The following TMEM263 variants were observed in gnomAD, a reference collection of about 807,000 sequenced individuals.
The protein encoded by TMEM263 is transmembrane protein 263, also known as UPF0444 transmembrane protein C12orf23.
TMEM263 carries 5 observed loss-of-function variants against 8.6 expected under a neutral mutation model. The ratio of observed to expected loss-of-function variants is 0.58; its 90% CI spans 0.31 to 1.23. TMEM263 has a LOEUF of 1.23. TMEM263 is among the 50% of genes most tolerant of loss of function. The pLI, the probability that TMEM263 is intolerant of heterozygous loss-of-function variation, is 0.07. For synonymous variants in TMEM263, 50 were observed against 47.9 expected, an observed-to-expected ratio of 1.04 and a Z score of -0.18; for missense variants, 104 against 138.8, an observed-to-expected ratio of 0.75 and a Z score of 1.26.
Position 106,967,173 on chromosome 12 carries a change from AC to A in TMEM263, c.59del (p.Pro20GlnfsTer5). Reference protein sequence around the residue: ...EIPSYLNDEPPEGSMKDHPQQ... With the variant: ...EIPSYLNDEPXEGSMKDHPQQ... ...TCCCATCATACCTTAATGATGAACC[AC>A]CAGAAGGTAAGTATGCATCTGTAAC... On this transcript the variant is annotated frameshift_variant, in exon 3 of 4. Transcript: ENST00000280756. LOFTEE classifies it high-confidence loss of function. 1.3e-6 allele frequency: 2 copies of A among 1,585,710 alleles called. No individual in the cohort carries two copies. The highest frequency in any genetic ancestry group is 1.1e-5 in the South Asian group (1 of 87,832).
intron 1 of TMEM263, 48 bp downstream of exon 1, chr12:106,956,113 C>T: frequency 1.1e-6 from 1 of 930,730 alleles, no homozygotes; most frequent in Non-Finnish European, 1.3e-6. Context: ...CGGCTTCCTG[C>T]CCTCCTCCGT....
chr12:106,963,602 T>G (rs2136765340), intron 2 of TMEM263, among the ~76,000 whole-genome samples: 1 of 152,312 alleles, frequency 6.6e-6, no homozygotes, highest in African/African-American at 2.4e-5. Flanking sequence ...TCTCTGTCCT[T>G]CCATCTCTTC....
chr12:106,956,652 C>G (rs565423710), intron 1 of TMEM263: 1 of 152,426 alleles, frequency 6.6e-6, no homozygotes, highest in African/African-American at 2.4e-5. Flanking sequence ...GTCACTGCCT[C>G]CCAGTCTAAA....
intron 2 of TMEM263, among the ~76,000 whole-genome samples, chr12:106,959,675 GATA>G (rs1346610450): frequency 6.6e-5 from 10 of 152,164 alleles, no homozygotes; most frequent in African/African-American, 2.2e-4. Context: ...CTGCAATGGT[GATA>G]ATAAGCAGGA....
intron 2 of TMEM263, among the ~76,000 whole-genome samples, chr12:106,960,764 T>C (rs556479351): frequency 2.0e-5 from 3 of 152,304 alleles, no homozygotes; most frequent in South Asian, 4.1e-4. Context: ...CATTTCACTT[T>C]TTACTGTGTG....
intron 1 of TMEM263, among the ~76,000 whole-genome samples, chr12:106,956,449 C>T (rs1951692639): frequency 6.6e-6 from 1 of 152,176 alleles, no homozygotes; most frequent in Non-Finnish European, 1.5e-5. Context: ...CCTCGCCCTG[C>T]CAACTCCTGA....
Position 106,971,089 on chromosome 12 carries a change from T to C in TMEM263, c.65-16T>C, listed in dbSNP as rs774323990. ...TGACTTATATTTGATTGTCTCATGA[T>C]ATTTTCTCTCATTAGGTTCAATGAA... On this transcript the variant is annotated splice_polypyrimidine_tract_variant and intron_variant, in intron 3 of 3. Coordinates refer to ENST00000280756, the MANE Select transcript of TMEM263 (RefSeq NM_152261.4). 1 of 1,612,360 alleles carries C rather than the reference T, an allele frequency of 6.2e-7. No individual in the cohort carries two copies. The highest frequency in any genetic ancestry group is 8.5e-7 in the Non-Finnish European group (1 of 1,178,900).
rs1435786546 is a variant in TMEM263, at chr12:106,972,647, G to A, written c.*1256G>A. ...TTGTTTGATTATGGATGATAAATGT[G>A]TCATATCTTATTAATATGTCTCATG... is the stretch of plus-strand genomic sequence containing the variant. On this transcript the variant is annotated 3_prime_UTR_variant, in exon 4 of 4. Coordinates refer to ENST00000280756, the MANE Select transcript of TMEM263 (RefSeq NM_152261.4). The A allele has an allele frequency of 1.3e-5, 2 of 152,008 alleles. No homozygotes were observed. The highest frequency in any genetic ancestry group is 2.9e-5 in the Non-Finnish European group (2 of 67,970). The allele number at this position is 152,008 out of a possible 1,614,324, so 9.4% of individuals were successfully genotyped here. A position where few individuals can be genotyped will look rare whatever the true frequency, so the allele number is the denominator to read the frequency against.
At chr12:106,968,824 A>G (rs1327809105) in intron 3 of TMEM263, among the ~76,000 whole-genome samples, 5 of 152,216 alleles carry the variant, frequency 3.3e-5, no homozygotes, top group African/African-American at 1.2e-4. Context: ...GGCATGAGGC[A>G]GTTATCTGTT....
intron 3 of TMEM263, 110 bp downstream of exon 3, chr12:106,967,290 C>A: frequency 2.8e-6 from 2 of 706,466 alleles, no homozygotes; most frequent in Non-Finnish European, 2.2e-6. Flanking sequence ...CAGAGTCTTA[C>A]TCTGTCAACC....
At chr12:106,967,622 T>C (rs1951864319) in intron 3 of TMEM263, among the ~76,000 whole-genome samples, 1 of 152,184 alleles carries the variant, frequency 6.6e-6, no homozygotes, top group Non-Finnish European at 1.5e-5. Flanking sequence ...GTCCCCAAAA[T>C]AATTGAAGAT....
chr12:106,958,253 G>A (rs1283136831), intron 2 of TMEM263, among the ~76,000 whole-genome samples: 1 of 152,140 alleles, frequency 6.6e-6, no homozygotes, highest in African/African-American at 2.4e-5. Flanking sequence ...TTCCTTTGGT[G>A]TATAGAGGGG....
rs550307363 is a variant in TMEM263 at position 106,971,625 on chromosome 12, G to A, written c.*234G>A. 1.2e-5 allele frequency: 5 copies of A among 408,960 alleles called. No homozygotes were observed. Among genetic ancestry groups the A allele is most frequent in the South Asian group, 7.5e-5 (1 of 13,298 alleles). The allele number at this position is 408,960 out of a possible 1,614,324, so 25.3% of individuals were successfully genotyped here. A position where few individuals can be genotyped will look rare whatever the true frequency, so the allele number is the denominator to read the frequency against. ...ATCTGGTAAAATGTTACACTTACTCGGTTGTAACTGAAGATATGGTATGTT... is the reference window on the plus strand; with the variant it reads ...ATCTGGTAAAATGTTACACTTACTCAGTTGTAACTGAAGATATGGTATGTT... On this transcript the variant is annotated 3_prime_UTR_variant, in exon 4 of 4. Coordinates refer to ENST00000280756, the MANE Select transcript of TMEM263 (RefSeq NM_152261.4).
At position 106,956,060 on chromosome 12, in the gene TMEM263, C is replaced by G. The variant is rs748448086; in HGVS notation, c.-80C>G. On this transcript the variant is annotated 5_prime_UTR_variant, in exon 1 of 4. Transcript: ENST00000280756. Reference sequence around the variant, plus strand: ...CCCAGCCCTAGCGCTGGCCGCGACCCCGGCGGTGAGTGAGTCGGGATGCGA... The same window carrying G: ...CCCAGCCCTAGCGCTGGCCGCGACCGCGGCGGTGAGTGAGTCGGGATGCGA... 3.0e-6 allele frequency: 3 copies of G among 985,044 alleles called. No individual in the cohort carries two copies. Among genetic ancestry groups the G allele is most frequent in the Admixed American group, 6.1e-5 (1 of 16,268 alleles). 61.0% of individuals were successfully genotyped at this position (985,044 alleles called of 1,614,324 possible).
intron 3 of TMEM263, among the ~76,000 whole-genome samples, chr12:106,969,492 C>T (rs1484810326): frequency 2.0e-5 from 3 of 151,932 alleles, no homozygotes; most frequent in African/African-American, 4.8e-5. Flanking sequence ...TTTGGGAGGC[C>T]GAGGTGGGTT....
Position 106,972,766 on chromosome 12 carries a change from T to C in TMEM263, c.*1375T>C, listed in dbSNP as rs2136782296. ...ACGTTTAACAATTGGCATATATACT[T>C]GGCATTCCTGTCCACCAAGGATTGT... On this transcript the variant is annotated 3_prime_UTR_variant, in exon 4 of 4. Coordinates refer to ENST00000280756, the MANE Select transcript of TMEM263 (RefSeq NM_152261.4). 1 of 152,210 alleles carries C rather than the reference T, an allele frequency of 6.6e-6. No individual in the cohort carries two copies. The highest frequency in any genetic ancestry group is 1.5e-5 in the Non-Finnish European group (1 of 67,956). 9.4% of individuals were successfully genotyped at this position (152,210 alleles called of 1,614,324 possible).
chr12:106,971,481 G>T lies in TMEM263; in HGVS notation c.*90G>T. 7.4e-7 allele frequency: 1 copy of T among 1,345,480 alleles called. No homozygotes were observed. The highest frequency in any genetic ancestry group is 1.0e-6 in the Non-Finnish European group (1 of 995,618). 83.3% of individuals were successfully genotyped at this position (1,345,480 alleles called of 1,614,324 possible). A position where few individuals can be genotyped will look rare whatever the true frequency, so the allele number is the denominator to read the frequency against. ...GGACTACAACCAAGTCAACTGTTTT[G>T]GACGTTTATCTTCTAAACTGCTGTG... On this transcript the variant is annotated 3_prime_UTR_variant, in exon 4 of 4. Coordinates refer to ENST00000280756, the MANE Select transcript of TMEM263 (RefSeq NM_152261.4).
intron 2 of TMEM263, among the ~76,000 whole-genome samples, chr12:106,961,846 A>G (rs1264334821): frequency 6.6e-6 from 1 of 152,234 alleles, no homozygotes; most frequent in Non-Finnish European, 1.5e-5. Flanking sequence ...TACCCAAGAC[A>G]TAACTGTGAA....
rs1433857428 is a variant in TMEM263 at position 106,957,157 on chromosome 12, C to T, written c.-7+8C>T. On this transcript the variant is annotated splice_region_variant and intron_variant, in intron 2 of 3. Coordinates refer to ENST00000280756, the MANE Select transcript of TMEM263 (RefSeq NM_152261.4). ...TCGATACAACACCAACAGGTAAACGCGCGCGCCCGTGTGTGTGTGTGTGTG... is the reference window on the plus strand; with the variant it reads ...TCGATACAACACCAACAGGTAAACGTGCGCGCCCGTGTGTGTGTGTGTGTG... 2.0e-6 allele frequency: 2 copies of T among 982,594 alleles called. No homozygotes were observed. The highest frequency in any genetic ancestry group is 4.7e-5 in the South Asian group (1 of 21,068). 60.9% of individuals were successfully genotyped at this position (982,594 alleles called of 1,614,324 possible).
Sources: gnomAD v4.1 joint callset for allele counts (sites outside exome capture counted in the v4.1 genomes callset) on GRCh38, gnomAD v4.1.1 for gene constraint, MANE v1.5 for transcripts, NCBI Gene and HGNC (gene_info 2026-07-23, HGNC 2026-07-21) for gene names.